RBFOX1: variants seen among roughly 807,000 people sequenced by gnomAD.
The protein encoded by RBFOX1 is RNA binding protein fox-1 homolog 1.
Under a neutral mutation model 57.7 loss-of-function variants are expected in RBFOX1, and 8 were observed. The observed-to-expected ratio is 0.14, with a 90% CI of 0.08 to 0.25. The LOEUF is 0.25. RBFOX1 is among the 10% of genes least tolerant of loss of function. The pLI is 1.00. For missense variants in RBFOX1, 611 were observed against 548.5 expected (o/e 1.11, Z -1.14); for synonymous variants, 326 against 222.4 (o/e 1.47, Z -4.15).
At chr16:6,507,988 A>T (rs889191704) in intron 2 of RBFOX1, among the ~76,000 whole-genome samples, 2 of 152,186 alleles carry the variant, frequency 1.3e-5, no homozygotes, top group African/African-American at 4.8e-5. Flanking sequence ...GATAGACTGG[A>T]TAAAGAAAAT....
At chr16:7,387,748 C>G (rs184163270) in intron 4 of RBFOX1, among the ~76,000 whole-genome samples, 1 of 152,224 alleles carries the variant, frequency 6.6e-6, no homozygotes, top group East Asian at 1.9e-4. Context: ...CCAGGCCTCC[C>G]CACAATCCCA....
intron 4 of RBFOX1, among the ~76,000 whole-genome samples, chr16:7,130,312 G>A (rs1235816809): frequency 6.6e-6 from 1 of 152,150 alleles, no homozygotes; most frequent in East Asian, 1.9e-4. Flanking sequence ...TGAGATTGTA[G>A]GCATGAAGCC....
At chr16:7,122,827 T>A (rs781111314) in intron 4 of RBFOX1, among the ~76,000 whole-genome samples, 26 of 152,148 alleles carry the variant, frequency 1.7e-4, no homozygotes, top group Non-Finnish European at 3.5e-4. Flanking sequence ...AATAGATGAA[T>A]TTGAAGCATT....
chr16:6,894,167 G>C (rs993000414), intron 3 of RBFOX1, among the ~76,000 whole-genome samples: 1 of 152,050 alleles, frequency 6.6e-6, no homozygotes, highest in African/African-American at 2.4e-5. Flanking sequence ...CCTATCTCTT[G>C]TCTGTCTGTC....
At chr16:6,493,062 A>T (rs1256440779) in intron 2 of RBFOX1, among the ~76,000 whole-genome samples, 2 of 152,212 alleles carry the variant, frequency 1.3e-5, no homozygotes, top group African/African-American at 2.4e-5. Context: ...TTGGATAATT[A>T]AAAAATATTT....
chr16:5,630,039 T>C (rs2048456965), intron 3 of RBFOX1, among the ~76,000 whole-genome samples: 1 of 152,206 alleles, frequency 6.6e-6, no homozygotes, highest in Non-Finnish European at 1.5e-5. Context: ...AGGAGATCAA[T>C]GCAGATACAT....
At chr16:6,935,094 A>G (rs2077153321) in intron 3 of RBFOX1, among the ~76,000 whole-genome samples, 1 of 152,130 alleles carries the variant, frequency 6.6e-6, no homozygotes, top group Non-Finnish European at 1.5e-5. Context: ...CATCTCGGAA[A>G]AAAAAAAGAA....
chr16:7,192,085 C>G (rs1176350203), intron 4 of RBFOX1, among the ~76,000 whole-genome samples: 1 of 151,598 alleles, frequency 6.6e-6, no homozygotes, highest in Non-Finnish European at 1.5e-5. Flanking sequence ...GAGCTGTTTT[C>G]AAAACCAGAG....
intron 4 of RBFOX1, among the ~76,000 whole-genome samples, chr16:7,229,433 T>A (rs1374752227): frequency 6.6e-6 from 1 of 151,990 alleles, no homozygotes; most frequent in Admixed American, 6.6e-5. Flanking sequence ...CTTCCTGTCA[T>A]CTATGTAGAT....
intron 4 of RBFOX1, among the ~76,000 whole-genome samples, chr16:7,056,225 C>CCCA (rs2052202665): frequency 6.6e-6 from 1 of 152,162 alleles, no homozygotes; most frequent in Admixed American, 6.5e-5. Flanking sequence ...ACAGTAGGGT[C>CCCA]ACTCTTCTCA....
chr16:7,499,565 G>C (rs993621227), intron 4 of RBFOX1, among the ~76,000 whole-genome samples: 4 of 152,074 alleles, frequency 2.6e-5, no homozygotes, highest in African/African-American at 9.7e-5. Context: ...GATAATTTTT[G>C]GCTACATTGA....
intron 4 of RBFOX1, among the ~76,000 whole-genome samples, chr16:5,948,749 C>A (rs1002910855): frequency 2.0e-5 from 3 of 152,158 alleles, no homozygotes; most frequent in African/African-American, 7.2e-5. Context: ...TGATTTCAGA[C>A]TTTCAGTCTC....
At chr16:5,931,222 C>T (rs1429218446) in intron 4 of RBFOX1, among the ~76,000 whole-genome samples, 1 of 152,102 alleles carries the variant, frequency 6.6e-6, no homozygotes, top group East Asian at 1.9e-4. Flanking sequence ...CTCATGGCCT[C>T]AGTGAGAAAA....
intron 2 of RBFOX1, among the ~76,000 whole-genome samples, chr16:6,423,008 C>T (rs1338194494): frequency 3.3e-5 from 5 of 152,216 alleles, no homozygotes; most frequent in Non-Finnish European, 7.3e-5. Flanking sequence ...TTTATGGCTG[C>T]ATAGTATTCC....
chr16:7,211,538 T>G lies in RBFOX1; in HGVS notation c.27+159440T>G, dbSNP rs188512607. 2.0e-3 allele frequency among the ~76,000 whole-genome samples: 307 copies of G among 152,226 alleles called. 1 individual carries two copies. Among genetic ancestry groups the G allele is most frequent in the Non-Finnish European group, 3.4e-3 (229 of 68,026 alleles). On this transcript the variant is annotated intron_variant, in intron 4 of 15. Coordinates refer to ENST00000550418, the MANE Select transcript of RBFOX1 (RefSeq NM_018723.4). ...GGGAATTAAAAACTCCAAGGAGTATTTTTCATGTAAAGCAAACAAACAAAA... is the reference window on the plus strand; with the variant it reads ...GGGAATTAAAAACTCCAAGGAGTATGTTTCATGTAAAGCAAACAAACAAAA...
intron 1 of RBFOX1, among the ~76,000 whole-genome samples, chr16:5,417,950 G>T (rs1325084508): frequency 6.6e-6 from 1 of 152,128 alleles, no homozygotes; most frequent in African/African-American, 2.4e-5. Flanking sequence ...GTGTTGTGGT[G>T]TACGCCTGTA....
In RBFOX1 at chr16:6,800,575, G is replaced by T. The variant is rs188848805; in HGVS notation, c.-16+145925G>T. 4.6e-5 allele frequency among the ~76,000 whole-genome samples: 7 copies of T among 152,210 alleles called. No individual in the cohort carries two copies. The East Asian group carries it at 9.7e-4, about 21-fold the overall frequency. ...AAGTAACAAGCTTCTAGAGGGCCCG[G>T]TAATCACCTGGCCGGATGGTTAAAG... On this transcript the variant is annotated intron_variant, in intron 3 of 15. Transcript: ENST00000550418.
At chr16:6,025,061 C>T (rs551380850) in intron 1 of RBFOX1, among the ~76,000 whole-genome samples, 2 of 152,288 alleles carry the variant, frequency 1.3e-5, no homozygotes, top group South Asian at 4.1e-4. Context: ...GGCTGTTATT[C>T]TAATGGGAAA....
At chr16:7,430,598 G>A (rs916962356) in intron 4 of RBFOX1, among the ~76,000 whole-genome samples, 1 of 148,758 alleles carries the variant, frequency 6.7e-6, no homozygotes, top group African/African-American at 2.5e-5. Flanking sequence ...GGAGACAGAG[G>A]TTTCAGTGCC....
Sources: gnomAD v4.1 joint callset for allele counts (sites outside exome capture counted in the v4.1 genomes callset) on GRCh38, gnomAD v4.1.1 for gene constraint, MANE v1.5 for transcripts, NCBI Gene and HGNC (gene_info 2026-07-23, HGNC 2026-07-21) for gene names.